The following MTMR8 variants were observed in gnomAD, a reference collection of about 807,000 sequenced individuals.
MTMR8 encodes phosphatidylinositol-3,5-bisphosphate 3-phosphatase MTMR8.
MTMR8 carries 65 observed loss-of-function variants against 39.3 expected under a neutral mutation model. That is an observed-to-expected ratio of 1.65 (90% CI 1.35 to 2.03). The LOEUF is 2.03. Among genes scored for constraint, MTMR8 ranks in the 30% most tolerant of loss-of-function variants. The pLI is 0.00. For synonymous variants in MTMR8, 245 were observed against 185.2 expected, an observed-to-expected ratio of 1.32 and a Z score of -2.62; for missense variants, 777 against 538.9, an observed-to-expected ratio of 1.44 and a Z score of -4.37.
In MTMR8 at chrX:64,345,158, C is replaced by T; in HGVS notation, c.752G>A (p.Arg251Gln). 8 of 1,210,982 alleles carry T rather than the reference C, an allele frequency of 6.6e-6. No homozygotes were observed. Among genetic ancestry groups the T allele is most frequent in the Non-Finnish European group, 8.9e-6 (8 of 895,030 alleles). Reference protein sequence around the residue: ...TRPKLNAMANRAAGKGYENED... With the variant: ...TRPKLNAMANQAAGKGYENED... ...ATTTTCATACCCCTTCCCAGCTGCT[C>T]GGTTGGCCATGGCATTCAACTGCAA... The change falls in exon 7 of 14, where the codon CGA becomes CAA. Residue 251 changes from arginine to glutamine, a missense_variant. Transcript: ENST00000374852.
chrX:64,328,428 T>A (rs1393098477), intron 12 of MTMR8, among the ~76,000 whole-genome samples: 3 of 111,754 alleles, frequency 2.7e-5, no homozygotes, highest in Non-Finnish European at 5.6e-5. Flanking sequence ...AGCACACTCC[T>A]GATTTGTCTC....
At chrX:64,300,512 G>A (rs1474204871) in intron 12 of MTMR8, among the ~76,000 whole-genome samples, 2 of 109,020 alleles carry the variant, frequency 1.8e-5, no homozygotes, top group Non-Finnish European at 3.8e-5. Context: ...CACACTGATG[G>A]GTCTTGACTC....
chrX:64,392,201 C>T (rs1924707327), intron 1 of MTMR8, among the ~76,000 whole-genome samples: 2 of 111,561 alleles, frequency 1.8e-5, no homozygotes, highest in African/African-American at 6.5e-5. Context: ...TATGCATATT[C>T]TACGGCCCAG....
In MTMR8 at chrX:64,348,674, C is replaced by G. The variant is rs201267949; in HGVS notation, c.718G>C (p.Asp240His). Residue 240 changes from aspartate (D) to histidine (H), a missense_variant, in exon 6 of 14, where the codon GAC becomes CAC. Coordinates refer to ENST00000374852, the MANE Select transcript of MTMR8 (RefSeq NM_017677.4). ...GAAATAGATACCTTTGGTCTTGTGT[C>G]TACAACATACATAAACTGGCTCCCT... ...NPGSQFMYVV[D>H]TRPKLNAMAN... 8.3e-7 allele frequency: 1 copy of G among 1,209,210 alleles called. No homozygotes were observed. The highest frequency in any genetic ancestry group is 1.7e-5 in the African/African-American group (1 of 57,212).
At chrX:64,292,532 C>T (rs1403766117) in intron 12 of MTMR8, among the ~76,000 whole-genome samples, 1 of 110,611 alleles carries the variant, frequency 9.0e-6, no homozygotes, top group Non-Finnish European at 1.9e-5. Context: ...GAACTGGTGA[C>T]CTCTAAAGAA....
At chrX:64,369,709 C>T (rs888034975) in intron 1 of MTMR8, among the ~76,000 whole-genome samples, 5 of 110,896 alleles carry the variant, frequency 4.5e-5, no homozygotes, top group African/African-American at 1.6e-4. Flanking sequence ...CACATGTATA[C>T]CTATGTAACA....
rs1406158967 is a variant in MTMR8 at position 64,272,096 on chromosome X, T to A, written c.1482-1023A>T. 4.5e-5 allele frequency among the ~76,000 whole-genome samples: 5 copies of A among 111,685 alleles called. No homozygotes were observed. The Admixed American group carries it at 4.8e-4, about 11-fold the overall frequency. The stretch of plus-strand genomic sequence containing the variant: ...CAGAAGCTCTGGCTTGGTTGGCTGG[T>A]GAATGTCTTCTCCTGTACAAGGCCA... On this transcript the variant is annotated intron_variant, in intron 12 of 13. Coordinates refer to ENST00000374852, the MANE Select transcript of MTMR8 (RefSeq NM_017677.4).
intron 8 of MTMR8, among the ~76,000 whole-genome samples, chrX:64,337,873 C>A (rs1357196303): frequency 9.0e-6 from 1 of 111,586 alleles, no homozygotes; most frequent in East Asian, 2.8e-4. Flanking sequence ...ATTGTATAAA[C>A]ACAATCAGAA....
intron 6 of MTMR8, among the ~76,000 whole-genome samples, chrX:64,346,080 G>A (rs1258775351): frequency 1.8e-5 from 2 of 111,766 alleles, no homozygotes; most frequent in Admixed American, 9.5e-5. Context: ...AGAATGCTGG[G>A]TGGGGTAGGG....
At chrX:64,285,583 C>A (rs1378416316) in intron 12 of MTMR8, among the ~76,000 whole-genome samples, 15 of 111,879 alleles carry the variant, frequency 1.3e-4, no homozygotes, top group Non-Finnish European at 2.6e-4. Flanking sequence ...GTAAAACACT[C>A]CTCAGCAAAT....
intron 5 of MTMR8, among the ~76,000 whole-genome samples, chrX:64,349,532 T>C (rs1353903945): frequency 9.1e-6 from 1 of 110,021 alleles, no homozygotes; most frequent in East Asian, 2.9e-4. Flanking sequence ...CACAGAGGAG[T>C]CAAGTGCTTT....
chrX:64,317,451 C>A (rs928627153), intron 12 of MTMR8, among the ~76,000 whole-genome samples: 1 of 111,302 alleles, frequency 9.0e-6, no homozygotes, highest in South Asian at 3.8e-4. Context: ...CTCATGTATT[C>A]TTTCCTCTTT....
chrX:64,392,468 T>A (rs1924712561), intron 1 of MTMR8, among the ~76,000 whole-genome samples: 1 of 112,177 alleles, frequency 8.9e-6, no homozygotes, highest in Admixed American at 9.4e-5. Flanking sequence ...TTATATTAAG[T>A]ACAACAAAAG....
chrX:64,390,691 G>A (rs771133848), intron 1 of MTMR8, among the ~76,000 whole-genome samples: 3 of 110,210 alleles, frequency 2.7e-5, no homozygotes, highest in South Asian at 3.9e-4. Context: ...TCACTCTGTC[G>A]CCTAGGCCAG....
At chrX:64,294,383 C>T (rs1477175694) in intron 12 of MTMR8, among the ~76,000 whole-genome samples, 1 of 111,457 alleles carries the variant, frequency 9.0e-6, no homozygotes, top group Non-Finnish European at 1.9e-5. Flanking sequence ...ACTCAAATAG[C>T]CCTGTGATCG....
intron 12 of MTMR8, among the ~76,000 whole-genome samples, chrX:64,271,433 C>A (rs977849781): frequency 1.8e-5 from 2 of 112,077 alleles, no homozygotes; most frequent in African/African-American, 6.5e-5. Flanking sequence ...ACTGTCCTTC[C>A]CCCAATGGAT....
rs1019649697 is a variant in MTMR8 at position 64,323,291 on chromosome X, G to A, written c.1481+5481C>T. 1.9e-4 allele frequency among the ~76,000 whole-genome samples: 21 copies of A among 112,121 alleles called. 1 individual carries two copies. The highest frequency in any genetic ancestry group is 3.6e-4 in the Non-Finnish European group (19 of 53,251). On this transcript the variant is annotated intron_variant, in intron 12 of 13. Transcript: ENST00000374852. ...AGCTATAATCATAACAGATAAAATA[G>A]GCTTTAAGGCAAAAACTATAAAAAG...
chrX:64,283,473 G>A (rs1249180400), intron 12 of MTMR8, among the ~76,000 whole-genome samples: 3 of 112,008 alleles, frequency 2.7e-5, no homozygotes, highest in African/African-American at 9.7e-5. Flanking sequence ...TTGGAAGACA[G>A]TAGTGGTTCT....
At chrX:64,353,279 A>G (rs1045960368) in intron 4 of MTMR8, among the ~76,000 whole-genome samples, 4 of 112,293 alleles carry the variant, frequency 3.6e-5, no homozygotes, top group African/African-American at 1.3e-4. Flanking sequence ...TCCATGGCAA[A>G]GGAAACAACC....
Sources: allele counts gnomAD v4.1 joint callset (sites outside exome capture counted in the v4.1 genomes callset), GRCh38; gene constraint gnomAD v4.1.1; transcripts MANE v1.5; gene names NCBI Gene and HGNC (gene_info 2026-07-23, HGNC 2026-07-21).